PCDH10: variants seen among roughly 807,000 people sequenced by gnomAD.
The protein encoded by PCDH10 is protocadherin-10.
Under a neutral mutation model 74.4 loss-of-function variants are expected in PCDH10, and 15 were observed. The ratio of observed to expected loss-of-function variants is 0.20; its 90% CI spans 0.13 to 0.31. The LOEUF is 0.31. Among genes scored for constraint, PCDH10 ranks in the 10% least tolerant of loss-of-function variants. PCDH10 has a pLI of 1.00. For synonymous variants in PCDH10, 619 were observed against 589.8 expected, an observed-to-expected ratio of 1.05 and a Z score of -0.72; for missense variants, 1,260 against 1,390.2, an observed-to-expected ratio of 0.91 and a Z score of 1.49.
At chr4:133,194,773 A>G (rs1309575715), downstream of PCDH10, 1 of 151,962 alleles carries the variant, frequency 6.6e-6, no homozygotes, top group Non-Finnish European at 1.5e-5. Flanking sequence ...ACTGAGTCTC[A>G]TTTGAAGCAG....
At chr4:133,155,242 A>G (rs547111552) in intron 3 of PCDH10, among the ~76,000 whole-genome samples, 2 of 152,346 alleles carry the variant, frequency 1.3e-5, no homozygotes, top group East Asian at 1.9e-4. Context: ...TTCATTGTAG[A>G]GAGTGTCAGA....
Position 133,150,648 on chromosome 4 carries a change from G to T in PCDH10, c.508G>T (p.Asp170Tyr), listed in dbSNP as rs1431074158. 2 of 1,613,242 alleles carry T rather than the reference G, an allele frequency of 1.2e-6. No homozygotes were observed. The highest frequency in any genetic ancestry group is 3.3e-5 in the Admixed American group (2 of 59,998). Residue 170 changes from aspartate (D) to tyrosine (Y), a missense_variant, in exon 1 of 5, where the codon GAC (aspartate) becomes TAC (tyrosine). By Grantham distance (160) the Asp-to-Tyr change is radical (BLOSUM62 -3). This residue lies in a region of PCDH10 where 35 missense variants were observed against 29.1 expected (regional missense o/e 1.20). Transcript: ENST00000264360. ...EITPNSYFSL[D>Y]VQTQGDGNRF... is the part of the protein sequence containing the mutation. ...CACCCCCAACAGCTACTTCTCCCTG[G>T]ACGTGCAGACCCAGGGGGATGGCAA...
At position 133,193,587 on chromosome 4, in the gene PCDH10, T is replaced by A. The variant is rs1430282392; in HGVS notation, c.*3427T>A. The A allele has an allele frequency of 6.6e-6, 1 of 151,600 alleles. No homozygotes were observed. Among genetic ancestry groups the A allele is most frequent in the Non-Finnish European group, 1.5e-5 (1 of 67,644 alleles). 9.4% of individuals were successfully genotyped at this position (151,600 alleles called of 1,614,324 possible). ...TTATTTACTGGAGCTCAGTTAGTCT[T>A]TAAAACAATTACTCAGGCAGAGTGT... On this transcript the variant is annotated 3_prime_UTR_variant, in exon 5 of 5. Transcript: ENST00000264360.
chr4:133,161,639 G>C (rs550765019), intron 3 of PCDH10, among the ~76,000 whole-genome samples: 2 of 151,840 alleles, frequency 1.3e-5, no homozygotes, highest in Non-Finnish European at 2.9e-5. Flanking sequence ...TGTTTTTCCA[G>C]ACTGTGCATG....
chr4:133,203,398 G>T (rs1727942919), intron 2 of PCDH10, among the ~76,000 whole-genome samples: 1 of 151,890 alleles, frequency 6.6e-6, no homozygotes, highest in Non-Finnish European at 1.5e-5. Context: ...TATCATAAAG[G>T]TTAGGGGCCT....
chr4:133,169,825 TG>T (rs1560710122), intron 4 of PCDH10, among the ~76,000 whole-genome samples: 1 of 151,988 alleles, frequency 6.6e-6, no homozygotes, highest in Admixed American at 6.6e-5. Context: ...AGACATTTTT[TG>T]GGTGAGTCTT....
chr4:133,154,398 A>G, intron 2 of PCDH10, 33 bp downstream of exon 2: 1 of 1,269,894 alleles, frequency 7.9e-7, no homozygotes, highest in Non-Finnish European at 1.1e-6. Flanking sequence ...GCAGTAATGG[A>G]CAATTTACAA....
chr4:133,207,278 A>G (rs1728028710), intron 2 of PCDH10, among the ~76,000 whole-genome samples: 1 of 152,128 alleles, frequency 6.6e-6, no homozygotes. Context: ...TTTATTTACC[A>G]TATTACTCTA....
rs1429484056 is a variant in PCDH10, at chr4:133,194,075, T to C, written c.*3915T>C. On this transcript the variant is annotated 3_prime_UTR_variant, in exon 5 of 5. Transcript: ENST00000264360. ...AAATCTTGGCATAGGTTTTAGATTA[T>C]AGCATTCTGTATGAATGCAGGTAGA... 3.3e-5 allele frequency: 5 copies of C among 151,872 alleles called. No homozygotes were observed. Among genetic ancestry groups the C allele is most frequent in the African/African-American group, 1.2e-4 (5 of 41,446 alleles). The allele number at this position is 151,872 out of a possible 1,614,324, so 9.4% of individuals were successfully genotyped here.
chr4:133,207,176 TTAGAA>T lies in PCDH10; in HGVS notation n.438-896_438-892del, dbSNP rs201628147. On this transcript the variant is annotated intron_variant and non_coding_transcript_variant, in intron 2 of 2. Transcript: ENST00000511112. ...TATGCATTGTTAGATTTGTTATAGA[TTAGAA>T]TAGCGATTATTTATTCAATTGTTTC... 6.9e-3 allele frequency among the ~76,000 whole-genome samples: 1,043 copies of T among 152,162 alleles called. 29 individuals carry two copies. Among genetic ancestry groups the T allele is most frequent in the Admixed American group, 0.048 (736 of 15,252 alleles).
chr4:133,197,902 G>T (rs1249828730), downstream of PCDH10, among the ~76,000 whole-genome samples: 3 of 151,590 alleles, frequency 2.0e-5, no homozygotes, highest in African/African-American at 7.3e-5. Flanking sequence ...TCTCAGTTGT[G>T]TTTCCTAATT....
chr4:133,150,979 G>A lies in PCDH10; in HGVS notation c.839G>A (p.Gly280Asp), dbSNP rs1726665651. 2 of 1,613,936 alleles carry A rather than the reference G, an allele frequency of 1.2e-6. No homozygotes were observed. Among genetic ancestry groups the A allele is most frequent in the Non-Finnish European group, 8.5e-7 (1 of 1,180,044 alleles). The change falls in exon 1 of 5, where the codon GGC becomes GAC. Residue 280 changes from glycine (G) to aspartate (D), a missense_variant. Gly to Asp is a moderately conservative substitution (Grantham distance 94, BLOSUM62 -1). Coordinates refer to ENST00000264360, the MANE Select transcript of PCDH10 (RefSeq NM_032961.3). ...CTCAACGCCACCGACCCGGACGAGG[G>A]CCAGAACGGTGAGGTCGTGTACTCC... ...IQLNATDPDE[G>D]QNGEVVYSFS...
intron 2 of PCDH10, among the ~76,000 whole-genome samples, chr4:133,205,358 C>T (rs1302727494): frequency 6.6e-6 from 1 of 152,148 alleles, no homozygotes; most frequent in African/African-American, 2.4e-5. Flanking sequence ...GAAAGAGTTT[C>T]CATATCGTCT....
At position 133,191,806 on chromosome 4, in the gene PCDH10, C is replaced by T. The variant is rs1223124876; in HGVS notation, c.*1646C>T. 6.6e-6 allele frequency: 1 copy of T among 151,560 alleles called. No homozygotes were observed. The highest frequency in any genetic ancestry group is 2.1e-4 in the South Asian group (1 of 4,832). 9.4% of individuals were successfully genotyped at this position (151,560 alleles called of 1,614,324 possible). A position where few individuals can be genotyped will look rare whatever the true frequency, so the allele number is the denominator to read the frequency against. ...TAGAAACCTGTTTTGAAATACTTTC[C>T]TTAATTTTTAACTGATCTTATATTC... is the stretch of plus-strand genomic sequence containing the variant. On this transcript the variant is annotated 3_prime_UTR_variant, in exon 5 of 5. Coordinates refer to ENST00000264360, the MANE Select transcript of PCDH10 (RefSeq NM_032961.3).
At chr4:133,154,420 T>A (rs1726815316) in intron 2 of PCDH10, 55 bp downstream of exon 2, 2 of 941,976 alleles carry the variant, frequency 2.1e-6, no homozygotes. Context: ...CTAGTAAAAG[T>A]AGGAAGTAGG....
chr4:133,190,694 T>C lies in PCDH10; in HGVS notation c.*534T>C, dbSNP rs1488741390. 6.6e-6 allele frequency: 1 copy of C among 152,126 alleles called. No homozygotes were observed. The highest frequency in any genetic ancestry group is 2.4e-5 in the African/African-American group (1 of 41,366). The allele number at this position is 152,126 out of a possible 1,614,324, so 9.4% of individuals were successfully genotyped here. A position where few individuals can be genotyped will look rare whatever the true frequency, so the allele number is the denominator to read the frequency against. ...ACAAAATATCAAAGACATTCTGTAG[T>C]TTATACACCGTGTTGCAAAGTGTTT... On this transcript the variant is annotated 3_prime_UTR_variant, in exon 5 of 5. Coordinates refer to ENST00000264360, the MANE Select transcript of PCDH10 (RefSeq NM_032961.3).
At position 133,154,678 on chromosome 4, in the gene PCDH10, T is replaced by G. The variant is rs559871638; in HGVS notation, c.2691-239T>G. Among the ~76,000 whole-genome samples the G allele has an allele frequency of 1.3e-4, 20 of 152,336 alleles. No individual in the cohort carries two copies. The East Asian group carries it at 3.9e-3, about 29-fold the overall frequency. On this transcript the variant is annotated intron_variant, in intron 2 of 4. Coordinates refer to ENST00000264360, the MANE Select transcript of PCDH10 (RefSeq NM_032961.3). ...TTATGAAAATGATATAAACATGTAT[T>G]TAGCTCCAATTATAGAGTAATGCCT...
At position 133,150,919 on chromosome 4, in the gene PCDH10, C is replaced by G; in HGVS notation, c.779C>G (p.Pro260Arg). The change falls in exon 1 of 5, where the codon CCA (proline) becomes CGA (arginine). Residue 260 changes from proline (P) to arginine (R), a missense_variant. By Grantham distance (103) the Pro-to-Arg change is moderately radical (BLOSUM62 -2). Around this residue, in one of 11 missense-constraint regions of PCDH10, gnomAD observed 192 missense variants for 161.2 expected, o/e 1.19. Transcript: ENST00000264360. ...FDQPVYTVSL[P>R]ENSPPGTLVI... ...CAACCCGTCTACACTGTGTCCCTAC[C>G]AGAGAACTCTCCCCCAGGCACTCTC... 6.2e-7 allele frequency: 1 copy of G among 1,613,840 alleles called. No homozygotes were observed. Among genetic ancestry groups the G allele is most frequent in the Non-Finnish European group, 8.5e-7 (1 of 1,180,032 alleles).
At position 133,152,563 on chromosome 4, in the gene PCDH10, G is replaced by C. The variant is rs755500180; in HGVS notation, c.2423G>C (p.Gly808Ala). The part of the protein sequence containing the change: ...NPAQVPIEES[G>A]GFGSHHHNQN... ...GCCCAGGTGCCGATAGAGGAGTCCGGGGGCTTTGGCTCCCACCACCACAAC... is the reference window on the plus strand; with the variant it reads ...GCCCAGGTGCCGATAGAGGAGTCCGCGGGCTTTGGCTCCCACCACCACAAC... Residue 808 changes from glycine to alanine, a missense_variant, in exon 1 of 5, where the codon GGG (glycine) becomes GCG (alanine). By Grantham distance (60) the Gly-to-Ala change is moderately conservative. Coordinates refer to ENST00000264360, the MANE Select transcript of PCDH10 (RefSeq NM_032961.3). 1 of 1,614,098 alleles carries C rather than the reference G, an allele frequency of 6.2e-7. No homozygotes were observed. Among genetic ancestry groups the C allele is most frequent in the South Asian group, 1.1e-5 (1 of 91,080 alleles).
Sources: allele counts gnomAD v4.1 joint callset (sites outside exome capture counted in the v4.1 genomes callset), GRCh38; gene constraint gnomAD v4.1.1; regional missense constraint gnomAD v4.1.1; transcripts MANE v1.5; gene names NCBI Gene and HGNC (gene_info 2026-07-23, HGNC 2026-07-21).